The following SRBD1 variants were observed in gnomAD, a reference collection of about 807,000 sequenced individuals.
SRBD1 encodes S1 RNA binding domain 1.
In SRBD1, 88 loss-of-function variants were observed where a neutral mutation model predicts 115.3. That is an observed-to-expected ratio of 0.76 (90% CI 0.64 to 0.91). The LOEUF (loss-of-function observed/expected upper bound fraction) is 0.91, where lower values mean the gene tolerates loss of function less well. Among genes scored for constraint, SRBD1 ranks in the 40% least tolerant of loss-of-function variants. The pLI, the probability that SRBD1 is intolerant of heterozygous loss-of-function variation, is 0.00. For synonymous variants in SRBD1, 509 were observed against 407.7 expected (o/e 1.25, Z -2.99); for missense variants, 1,385 against 1,177.4 (o/e 1.18, Z -2.58).
intron 16 of SRBD1, among the ~76,000 whole-genome samples, chr2:45,422,478 C>T (rs767099828): frequency 8.6e-5 from 13 of 151,820 alleles, no homozygotes; most frequent in Non-Finnish European, 1.6e-4. Flanking sequence ...GATTTGCCAC[C>T]GGCATAAAAA....
chr2:45,493,691 G>A (rs1273241193), intron 14 of SRBD1, among the ~76,000 whole-genome samples: 1 of 151,828 alleles, frequency 6.6e-6, no homozygotes, highest in Non-Finnish European at 1.5e-5. Context: ...GTACATGCCT[G>A]TAATCCCAGC....
chr2:45,547,940 C>T (rs1672173936), intron 12 of SRBD1, among the ~76,000 whole-genome samples: 1 of 152,150 alleles, frequency 6.6e-6, no homozygotes, highest in African/African-American at 2.4e-5. Flanking sequence ...ATGTCAGACA[C>T]TGTTGTGAGA....
intron 16 of SRBD1, among the ~76,000 whole-genome samples, chr2:45,443,353 A>C (rs542836216): frequency 5.3e-5 from 8 of 152,322 alleles, no homozygotes; most frequent in African/African-American, 1.9e-4. Flanking sequence ...AGAAGTTTTT[A>C]ATGACAACAG....
intron 14 of SRBD1, among the ~76,000 whole-genome samples, chr2:45,539,480 T>C (rs765768830): frequency 8.5e-5 from 13 of 152,118 alleles, no homozygotes; most frequent in Non-Finnish European, 1.5e-4. Context: ...AAACCCTCAG[T>C]GTAAGAATAA....
intron 16 of SRBD1, among the ~76,000 whole-genome samples, chr2:45,473,718 T>C (rs994582749): frequency 6.6e-6 from 1 of 152,356 alleles, no homozygotes; most frequent in East Asian, 1.9e-4. Context: ...GTTTGCTCTC[T>C]GAATACTTTT....
intron 16 of SRBD1, among the ~76,000 whole-genome samples, chr2:45,427,355 A>C (rs1311882144): frequency 6.6e-6 from 1 of 152,164 alleles, no homozygotes; most frequent in African/African-American, 2.4e-5. Context: ...GTCAAGACCC[A>C]TCAGTGTGCT....
chr2:45,504,151 C>G (rs564158653), intron 14 of SRBD1, among the ~76,000 whole-genome samples: 1 of 152,254 alleles, frequency 6.6e-6, no homozygotes, highest in East Asian at 1.9e-4. Context: ...TACATATCTA[C>G]TAGTCTTCAT....
At chr2:45,481,437 G>C (rs922798631) in intron 15 of SRBD1, among the ~76,000 whole-genome samples, 1 of 152,132 alleles carries the variant, frequency 6.6e-6, no homozygotes, top group Non-Finnish European at 1.5e-5. Flanking sequence ...AGAATTAAGA[G>C]AGAGGAAGAG....
intron 9 of SRBD1, among the ~76,000 whole-genome samples, chr2:45,571,671 C>G (rs941794481): frequency 2.0e-5 from 3 of 151,614 alleles, no homozygotes; most frequent in African/African-American, 7.3e-5. Flanking sequence ...ATCTTTCAAC[C>G]ATATAGAAAA....
At chr2:45,516,207 G>A (rs1671113979) in intron 14 of SRBD1, among the ~76,000 whole-genome samples, 1 of 152,004 alleles carries the variant, frequency 6.6e-6, no homozygotes. Context: ...TCTTAAAAAG[G>A]GGACAAAATA....
At chr2:45,425,760 AGCTGTGAGGGACCGT>A (rs1329642647) in intron 16 of SRBD1, among the ~76,000 whole-genome samples, 2 of 152,076 alleles carry the variant, frequency 1.3e-5, no homozygotes, top group Non-Finnish European at 2.9e-5. Flanking sequence ...AGCCAAGGGA[AGCTGTGAGGGACCGT>A]GCTGTGAGGG....
At chr2:45,581,956 C>T (rs761930041) in intron 5 of SRBD1, 146 bp from the exon 6 acceptor site, 9 of 635,824 alleles carry the variant, frequency 1.4e-5, no homozygotes, top group Non-Finnish European at 2.2e-5. Flanking sequence ...AACATCCCTG[C>T]ACTCCAACAC....
At chr2:45,437,907 T>C (rs898824329) in intron 16 of SRBD1, among the ~76,000 whole-genome samples, 1 of 152,224 alleles carries the variant, frequency 6.6e-6, no homozygotes, top group Admixed American at 6.5e-5. Flanking sequence ...ATAATTGATA[T>C]GGATTTTGTT....
intron 16 of SRBD1, among the ~76,000 whole-genome samples, chr2:45,467,979 G>C (rs940774635): frequency 6.6e-6 from 1 of 152,010 alleles, no homozygotes; most frequent in Non-Finnish European, 1.5e-5. Flanking sequence ...CAGAGTATAA[G>C]CAACACCAAC....
chr2:45,406,742 T>A (rs1667448893), intron 19 of SRBD1, among the ~76,000 whole-genome samples: 1 of 152,188 alleles, frequency 6.6e-6, no homozygotes, highest in Admixed American at 6.5e-5. Flanking sequence ...ATTTCCTACA[T>A]ACCCCTTAAT....
intron 1 of SRBD1, among the ~76,000 whole-genome samples, chr2:45,607,645 T>G (rs1313976767): frequency 6.6e-5 from 10 of 152,128 alleles, no homozygotes; most frequent in Non-Finnish European, 1.2e-4. Context: ...AAAATTCATA[T>G]GAAGCAGTAG....
intron 14 of SRBD1, among the ~76,000 whole-genome samples, chr2:45,544,793 C>T (rs1672056003): frequency 2.0e-5 from 3 of 152,132 alleles, no homozygotes; most frequent in South Asian, 2.1e-4. Context: ...CGTATATAAA[C>T]AAATACAAAC....
At chr2:45,596,970 C>T (rs1004129434) in intron 4 of SRBD1, among the ~76,000 whole-genome samples, 7 of 139,008 alleles carry the variant, frequency 5.0e-5, no homozygotes, top group African/African-American at 1.6e-4. Context: ...CTAACACACA[C>T]ACCCACACCC....
intron 14 of SRBD1, among the ~76,000 whole-genome samples, chr2:45,499,774 C>T (rs1215934294): frequency 1.3e-5 from 2 of 152,076 alleles, no homozygotes; most frequent in Non-Finnish European, 2.9e-5. Flanking sequence ...AGTGTGTGTT[C>T]TTGGCACCAC....
Sources: allele counts gnomAD v4.1 joint callset (sites outside exome capture counted in the v4.1 genomes callset), GRCh38; gene constraint gnomAD v4.1.1; transcripts MANE v1.5; gene names NCBI Gene and HGNC (gene_info 2026-07-23, HGNC 2026-07-21).